Variants in METTL15 observed in about 807,000 individuals in gnomAD.
The protein encoded by METTL15 is 12S rRNA N(4)-cytidine methyltransferase METTL15.
Under a neutral mutation model 38.3 loss-of-function variants are expected in METTL15, and 34 were observed. The ratio of observed to expected loss-of-function variants is 0.89; its 90% CI spans 0.68 to 1.18. The LOEUF (loss-of-function observed/expected upper bound fraction) is 1.18, where lower values mean the gene tolerates loss of function less well. Among genes scored for constraint, METTL15 ranks in the 50% most tolerant of loss-of-function variants. The pLI is 0.00. For synonymous variants in METTL15, 162 were observed against 170.9 expected, an observed-to-expected ratio of 0.95 and a Z score of 0.41; for missense variants, 438 against 498.4, an observed-to-expected ratio of 0.88 and a Z score of 1.15.
chr11:28,484,253 G>A (rs975422981), intron 6 of METTL15, among the ~76,000 whole-genome samples: 1 of 152,084 alleles, frequency 6.6e-6, no homozygotes, highest in African/African-American at 2.4e-5. Flanking sequence ...TTATTACAAA[G>A]AAATCAAGGC....
At chr11:28,265,860 G>A (rs1001980884) in intron 4 of METTL15, among the ~76,000 whole-genome samples, 1 of 152,164 alleles carries the variant, frequency 6.6e-6, no homozygotes, top group South Asian at 2.1e-4. Flanking sequence ...TGTGCACAAC[G>A]TGCAGGTTAG....
At chr11:28,480,246 A>G (rs1172857303) in intron 6 of METTL15, among the ~76,000 whole-genome samples, 2 of 152,202 alleles carry the variant, frequency 1.3e-5, no homozygotes, top group Non-Finnish European at 2.9e-5. Context: ...ACTGATTTGT[A>G]GCATTTGCCA....
intron 6 of METTL15, among the ~76,000 whole-genome samples, chr11:28,307,103 A>G (rs538982716): frequency 1.3e-5 from 2 of 152,046 alleles, no homozygotes; most frequent in South Asian, 2.1e-4. Context: ...TATTGCCTCA[A>G]ATATTTCTAA....
At chr11:28,197,592 T>C in intron 3 of METTL15, 1 of 395,294 alleles carries the variant, frequency 2.5e-6, no homozygotes, top group Non-Finnish European at 5.2e-6. Flanking sequence ...TGGTATAGTA[T>C]GGCCTTTTCT....
At chr11:28,380,587 C>G (rs1336816164) in intron 5 of METTL15, among the ~76,000 whole-genome samples, 2 of 152,002 alleles carry the variant, frequency 1.3e-5, no homozygotes, top group East Asian at 3.9e-4. Flanking sequence ...TAAGTATTTT[C>G]TCTAGCAGCA....
At chr11:28,203,868 A>G (rs1852208749) in intron 3 of METTL15, among the ~76,000 whole-genome samples, 1 of 152,086 alleles carries the variant, frequency 6.6e-6, no homozygotes, top group Non-Finnish European at 1.5e-5. Context: ...TTAATAACAG[A>G]TCATTATTTG....
At chr11:28,162,291 A>C (rs1216473759) in intron 3 of METTL15, among the ~76,000 whole-genome samples, 1 of 152,162 alleles carries the variant, frequency 6.6e-6, no homozygotes, top group Non-Finnish European at 1.5e-5. Flanking sequence ...CTGTTAGGTA[A>C]AAGAATAAAT....
intron 3 of METTL15, among the ~76,000 whole-genome samples, chr11:28,169,375 T>G (rs150334381): frequency 1.5e-3 from 229 of 152,262 alleles, no homozygotes; most frequent in African/African-American, 5.3e-3. Flanking sequence ...GATTTAAAAC[T>G]GATATTATGA....
chr11:28,519,971 T>G (rs187251469), intron 6 of METTL15, among the ~76,000 whole-genome samples: 1 of 152,294 alleles, frequency 6.6e-6, no homozygotes, highest in East Asian at 1.9e-4. Flanking sequence ...CACACTGTAG[T>G]TAAAGCACCA....
chr11:28,308,570 T>A lies in METTL15; in HGVS notation c.778+11639T>A, dbSNP rs772439754. Among the ~76,000 whole-genome samples, 46 of 152,194 alleles carry A rather than the reference T, an allele frequency of 3.0e-4. 1 individual carries two copies. Among genetic ancestry groups the A allele is most frequent in the Non-Finnish European group, 4.4e-5 (3 of 68,034 alleles). On this transcript the variant is annotated intron_variant, in intron 6 of 6. Coordinates refer to ENST00000407364, the MANE Select transcript of METTL15 (RefSeq NM_001113528.2). ...ATGTAGTGCTTCAAAGAACAGATAG[T>A]TCTTGAAATTAGCTATAACTGATTA... is the stretch of plus-strand genomic sequence containing the variant.
chr11:28,138,448 C>A (rs1180557390), intron 3 of METTL15, among the ~76,000 whole-genome samples: 1 of 152,104 alleles, frequency 6.6e-6, no homozygotes, highest in Non-Finnish European at 1.5e-5. Context: ...TTGAACATTA[C>A]CAAAAGTAAC....
intron 5 of METTL15, among the ~76,000 whole-genome samples, chr11:28,374,211 G>C (rs1850279923): frequency 6.6e-6 from 1 of 152,056 alleles, no homozygotes; most frequent in Non-Finnish European, 1.5e-5. Flanking sequence ...GAAAGTCATT[G>C]GTAGCTTGAT....
chr11:28,114,552 G>A (rs192362083), intron 3 of METTL15, among the ~76,000 whole-genome samples: 2 of 152,200 alleles, frequency 1.3e-5, no homozygotes, highest in Admixed American at 1.3e-4. Flanking sequence ...CTGGGTTCAA[G>A]CGATTCTCTT....
chr11:28,261,809 T>C (rs1319032352), intron 4 of METTL15, among the ~76,000 whole-genome samples: 1 of 152,184 alleles, frequency 6.6e-6, no homozygotes, highest in Non-Finnish European at 1.5e-5. Context: ...ATAATAATAA[T>C]AGCTACTATT....
chr11:28,356,530 C>T (rs974988225), intron 4 of METTL15, among the ~76,000 whole-genome samples: 10 of 152,174 alleles, frequency 6.6e-5, no homozygotes, highest in Admixed American at 3.3e-4. Flanking sequence ...TGAAAACTCT[C>T]TGCAGGAAAG....
chr11:28,265,979 G>A (rs965127855), intron 4 of METTL15, among the ~76,000 whole-genome samples: 1 of 152,076 alleles, frequency 6.6e-6, no homozygotes, highest in Non-Finnish European at 1.5e-5. Context: ...CCCACAACAG[G>A]CCACAGTGTG....
At chr11:28,389,994 A>G (rs1160518435) in intron 5 of METTL15, among the ~76,000 whole-genome samples, 2 of 151,794 alleles carry the variant, frequency 1.3e-5, no homozygotes, top group Non-Finnish European at 2.9e-5. Flanking sequence ...GATGACGAGC[A>G]TTTTTTCATG....
intron 1 of METTL15, among the ~76,000 whole-genome samples, chr11:28,109,071 A>G (rs10835271): frequency 0.088 from 13,360 of 152,178 alleles, 1,046 homozygotes; most frequent in East Asian, 0.36. Context: ...CTTGGAGCTT[A>G]TATTTTGTGG....
chr11:28,204,264 T>C (rs542959641), intron 3 of METTL15, among the ~76,000 whole-genome samples: 3 of 152,080 alleles, frequency 2.0e-5, no homozygotes, highest in Admixed American at 6.6e-5. Flanking sequence ...ACCCCAATTA[T>C]GTCTTACATT....
Sources: gnomAD v4.1 joint callset for allele counts (sites outside exome capture counted in the v4.1 genomes callset) on GRCh38, gnomAD v4.1.1 for gene constraint, MANE v1.5 for transcripts, NCBI Gene and HGNC (gene_info 2026-07-23, HGNC 2026-07-21) for gene names.